Variants in S100G observed in about 807,000 individuals in gnomAD.
The protein encoded by S100G is protein S100-G.
S100G carries 4 observed loss-of-function variants against 4.4 expected under a neutral mutation model. That is an observed-to-expected ratio of 0.91 (90% CI 0.45 to 2.09). The LOEUF is 2.09. Among genes scored for constraint, S100G ranks in the 30% most tolerant of loss-of-function variants. S100G has a pLI of 0.03. For synonymous variants in S100G, 24 were observed against 20.1 expected, an observed-to-expected ratio of 1.20 and a Z score of -0.53; for missense variants, 48 against 49.8, an observed-to-expected ratio of 0.96 and a Z score of 0.11.
At chrX:16,652,376 T>A (rs950525133) in intron 2 of S100G, among the ~76,000 whole-genome samples, 5 of 111,721 alleles carry the variant, frequency 4.5e-5, no homozygotes, top group African/African-American at 1.6e-4. Flanking sequence ...AATATGACAA[T>A]TGGAAAGACT....
At chrX:16,652,995 T>A (rs1174823583) in intron 2 of S100G, among the ~76,000 whole-genome samples, 2 of 111,499 alleles carry the variant, frequency 1.8e-5, no homozygotes, top group Non-Finnish European at 3.8e-5. Context: ...ATATCTTCCA[T>A]AGAGATGTGC....
intron 2 of S100G, 93 bp downstream of exon 2, chrX:16,651,234 C>T (rs1188118810): frequency 4.5e-6 from 4 of 879,793 alleles, no homozygotes; most frequent in African/African-American, 4.0e-5. Flanking sequence ...TTATAGGGAC[C>T]GTCGCTTGAG....
intron 2 of S100G, among the ~76,000 whole-genome samples, chrX:16,653,123 A>T (rs998030177): frequency 4.5e-5 from 5 of 110,693 alleles, no homozygotes; most frequent in Non-Finnish European, 9.4e-5. Flanking sequence ...TATATATATA[A>T]TATAGTCTAA....
Position 16,654,612 on chromosome X carries a change from A to G in S100G, c.*103A>G, listed in dbSNP as rs751909194. On this transcript the variant is annotated 3_prime_UTR_variant, in exon 3 of 3. Transcript: ENST00000380200. ...AAAGTCTCTGGTTTAATTCTTTGCA[A>G]TTATAATAACCTGGCTGTGAGGTTC... 5 of 431,899 alleles carry G rather than the reference A, an allele frequency of 1.2e-5. No individual in the cohort carries two copies. Among genetic ancestry groups the G allele is most frequent in the Non-Finnish European group, 2.0e-5 (5 of 251,309 alleles). The allele number at this position is 431,899 out of a possible 1,213,427, so 35.6% of individuals were successfully genotyped here.
chrX:16,653,540 G>C (rs925535206), intron 2 of S100G, among the ~76,000 whole-genome samples: 2 of 112,011 alleles, frequency 1.8e-5, no homozygotes, highest in Admixed American at 9.5e-5. Context: ...AGCCCAGGAG[G>C]TGGAAGCTGC....
intron 2 of S100G, among the ~76,000 whole-genome samples, chrX:16,652,376 T>G (rs950525133): frequency 9.0e-6 from 1 of 111,721 alleles, no homozygotes; most frequent in Non-Finnish European, 1.9e-5. Context: ...AATATGACAA[T>G]TGGAAAGACT....
chrX:16,650,644 A>C (rs62589076), intron 1 of S100G, among the ~76,000 whole-genome samples: 24,925 of 105,294 alleles, frequency 0.24, 2,380 homozygotes, highest in Middle Eastern at 0.29. Context: ...TTCCAAGTAG[A>C]TGGGACTATA....
intron 2 of S100G, among the ~76,000 whole-genome samples, chrX:16,652,482 G>A (rs943046430): frequency 3.6e-5 from 4 of 111,962 alleles, no homozygotes; most frequent in African/African-American, 1.3e-4. Context: ...AGAAGAACTT[G>A]TAAAAACACT....
chrX:16,652,836 T>C lies in S100G; in HGVS notation c.136-1569T>C, dbSNP rs115693983. Among the ~76,000 whole-genome samples, 787 of 111,832 alleles carry C rather than the reference T, an allele frequency of 7.0e-3. 9 individuals are homozygous for C. The highest frequency in any genetic ancestry group is 0.024 in the African/African-American group (752 of 30,833). ...CACCATACTCTGTTTACATATATCATCACCATGCATGGTTTAGAATCTAGT... is the reference window on the plus strand; with the variant it reads ...CACCATACTCTGTTTACATATATCACCACCATGCATGGTTTAGAATCTAGT... On this transcript the variant is annotated intron_variant, in intron 2 of 2. Coordinates refer to ENST00000380200, the MANE Select transcript of S100G (RefSeq NM_004057.3).
chrX:16,654,205 A>C (rs767670407), intron 2 of S100G, among the ~76,000 whole-genome samples, 200 bp from the exon 3 acceptor site: 1 of 112,818 alleles, frequency 8.9e-6, no homozygotes, highest in African/African-American at 3.2e-5. Context: ...GAGGACAAAA[A>C]GGTAGCCAGT....
chrX:16,652,018 T>TG (rs757274649), intron 2 of S100G, among the ~76,000 whole-genome samples: 308 of 97,676 alleles, frequency 3.2e-3, no homozygotes, highest in Non-Finnish European at 5.2e-3. Flanking sequence ...TAGAGCAGGA[T>TG]GGGGGGGGCC....
chrX:16,653,819 G>A (rs1278462974), intron 2 of S100G, among the ~76,000 whole-genome samples: 2 of 112,178 alleles, frequency 1.8e-5, no homozygotes. Flanking sequence ...TGGAGTCAAC[G>A]TGTGGACCCC....
intron 2 of S100G, among the ~76,000 whole-genome samples, chrX:16,653,280 C>T (rs1932736091): frequency 9.0e-6 from 1 of 111,301 alleles, no homozygotes; most frequent in South Asian, 3.8e-4. Context: ...ACTTAAGACA[C>T]TGCAGGAAGT....
chrX:16,652,704 G>A (rs180745120), intron 2 of S100G, among the ~76,000 whole-genome samples: 13 of 111,892 alleles, frequency 1.2e-4, no homozygotes, highest in South Asian at 3.7e-4. Flanking sequence ...CAAAAAGTAC[G>A]TAAGACATAA....
chrX:16,653,022 T>C (rs1932719237), intron 2 of S100G, among the ~76,000 whole-genome samples: 2 of 111,508 alleles, frequency 1.8e-5, no homozygotes, highest in Non-Finnish European at 3.8e-5. Context: ...AAATTGTGAA[T>C]CTACTTAGCA....
chrX:16,654,670 C>A lies in S100G; in HGVS notation c.*161C>A, dbSNP rs1279047828. ...ATTAATAAAGAAATTATTAGACATA[C>A]CTTACTTTGTTAAGTACTGACCTCA... On this transcript the variant is annotated 3_prime_UTR_variant, in exon 3 of 3. Coordinates refer to ENST00000380200, the MANE Select transcript of S100G (RefSeq NM_004057.3). 6.1e-6 allele frequency: 2 copies of A among 328,048 alleles called. No homozygotes were observed. Among genetic ancestry groups the A allele is most frequent in the African/African-American group, 5.4e-5 (2 of 36,957 alleles). The allele number at this position is 328,048 out of a possible 1,213,427, so 27.0% of individuals were successfully genotyped here.
chrX:16,653,472 T>C (rs1225419816), intron 2 of S100G, among the ~76,000 whole-genome samples: 4 of 111,823 alleles, frequency 3.6e-5, no homozygotes, highest in African/African-American at 1.3e-4. Flanking sequence ...TAGCCAGGTG[T>C]GGTGGCACAC....
intron 2 of S100G, among the ~76,000 whole-genome samples, chrX:16,654,058 G>A (rs763424641): frequency 1.4e-4 from 16 of 112,135 alleles, no homozygotes; most frequent in Middle Eastern, 4.6e-3. Flanking sequence ...TTTGTGTGCC[G>A]TGGGCAATCC....
At chrX:16,654,378 T>C in intron 2 of S100G, 27 bp from the exon 3 acceptor site, 1 of 1,015,309 alleles carries the variant, frequency 9.8e-7, no homozygotes, top group Non-Finnish European at 1.3e-6. Flanking sequence ...TCCCCTCCCT[T>C]CTCCCATCCT....
Sources: allele counts gnomAD v4.1 joint callset (sites outside exome capture counted in the v4.1 genomes callset), GRCh38; gene constraint gnomAD v4.1.1; transcripts MANE v1.5; gene names NCBI Gene and HGNC (gene_info 2026-07-23, HGNC 2026-07-21).